Variants in KCNB2 observed in about 807,000 individuals in gnomAD.
KCNB2 encodes potassium voltage-gated channel subfamily B member 2.
KCNB2 carries 15 observed loss-of-function variants against 61.5 expected under a neutral mutation model. The ratio of observed to expected loss-of-function variants is 0.24; its 90% CI spans 0.16 to 0.38. The LOEUF (loss-of-function observed/expected upper bound fraction) is 0.38, where lower values mean the gene tolerates loss of function less well. Among genes scored for constraint, KCNB2 ranks in the 10% least tolerant of loss-of-function variants. The pLI is 1.00. For missense variants in KCNB2, 828 were observed against 1,125.2 expected (o/e 0.74, Z 3.78); for synonymous variants, 457 against 446.0 (o/e 1.02, Z -0.31).
intron 2 of KCNB2, among the ~76,000 whole-genome samples, chr8:72,812,267 CAA>C (rs764042462): frequency 1.5e-5 from 2 of 135,402 alleles, no homozygotes; most frequent in Admixed American, 7.4e-5. Context: ...GACTCTGTCT[CAA>C]AAAAAAAAAA....
intron 2 of KCNB2, among the ~76,000 whole-genome samples, chr8:72,587,338 A>G (rs79183977): frequency 0.016 from 2,462 of 152,168 alleles, 60 homozygotes; most frequent in African/African-American, 0.055. Context: ...CAGTGACAGC[A>G]TGGTAGGTTC....
rs551595243 is a variant in KCNB2 at position 72,703,411 on chromosome 8, A to G, written c.579+135098A>G. On this transcript the variant is annotated intron_variant, in intron 2 of 2. Coordinates refer to ENST00000523207, the MANE Select transcript of KCNB2 (RefSeq NM_004770.3). ...GGGCAGGGGAAGAAGTTGAACTTCA[A>G]CATCACTGCCACAACCTCCAGCTGG... Among the ~76,000 whole-genome samples, 5 of 152,308 alleles carry G rather than the reference A, an allele frequency of 3.3e-5. No individual in the cohort carries two copies. In the East Asian group the frequency reaches 9.6e-4, roughly 29 times the overall value.
At chr8:72,862,618 C>T (rs896754511) in intron 2 of KCNB2, among the ~76,000 whole-genome samples, 2 of 152,082 alleles carry the variant, frequency 1.3e-5, no homozygotes, top group African/African-American at 4.8e-5. Context: ...CAGGAGTTTC[C>T]AGTTTCCTCA....
intron 2 of KCNB2, among the ~76,000 whole-genome samples, chr8:72,749,852 T>A (rs986970824): frequency 4.8e-5 from 7 of 147,132 alleles, no homozygotes; most frequent in African/African-American, 1.7e-4. Flanking sequence ...GTATATATTA[T>A]ATATATTTTT....
chr8:72,547,063 TG>T (rs1297440815), intron 1 of KCNB2, among the ~76,000 whole-genome samples: 4 of 152,230 alleles, frequency 2.6e-5, no homozygotes, highest in Non-Finnish European at 5.9e-5. Context: ...TCCTTAAGAA[TG>T]ATGCTAAATT....
At chr8:72,600,216 G>A (rs967774387) in intron 2 of KCNB2, among the ~76,000 whole-genome samples, 5 of 152,070 alleles carry the variant, frequency 3.3e-5, no homozygotes, top group African/African-American at 9.7e-5. Flanking sequence ...ATGATAGACT[G>A]GATTAAGAAA....
intron 2 of KCNB2, among the ~76,000 whole-genome samples, chr8:72,915,985 T>A (rs903380927): frequency 1.3e-5 from 2 of 152,054 alleles, no homozygotes; most frequent in African/African-American, 4.8e-5. Context: ...AGCAACATCA[T>A]GAGTTTCCTT....
At chr8:72,753,440 A>G (rs1362213952) in intron 2 of KCNB2, among the ~76,000 whole-genome samples, 1 of 152,210 alleles carries the variant, frequency 6.6e-6, no homozygotes, top group African/African-American at 2.4e-5. Flanking sequence ...GCCTTGTTCA[A>G]GGAGCTTATA....
At chr8:72,643,648 A>G (rs1309522251) in intron 2 of KCNB2, among the ~76,000 whole-genome samples, 1 of 152,062 alleles carries the variant, frequency 6.6e-6, no homozygotes, top group Non-Finnish European at 1.5e-5. Flanking sequence ...ACTTTTTATC[A>G]TTGCTAGGTT....
At chr8:72,612,129 A>C (rs1241581797) in intron 2 of KCNB2, among the ~76,000 whole-genome samples, 1 of 152,210 alleles carries the variant, frequency 6.6e-6, no homozygotes, top group Non-Finnish European at 1.5e-5. Flanking sequence ...CTTGAAACTT[A>C]CCATCAATAA....
chr8:72,740,863 GA>G (rs1807945591), intron 2 of KCNB2, among the ~76,000 whole-genome samples: 1 of 152,120 alleles, frequency 6.6e-6, no homozygotes, highest in South Asian at 2.1e-4. Flanking sequence ...TGCAGCAAGA[GA>G]AAAATGAATT....
At chr8:72,727,398 C>T (rs1326250238) in intron 2 of KCNB2, among the ~76,000 whole-genome samples, 2 of 152,154 alleles carry the variant, frequency 1.3e-5, no homozygotes, top group Non-Finnish European at 1.5e-5. Flanking sequence ...TTTTGCTCCT[C>T]TTTTCTTTGT....
chr8:72,849,166 T>TGTTTGTTTTTGAGACGGAGTCTCGC (rs1810050136), intron 2 of KCNB2, among the ~76,000 whole-genome samples: 1 of 150,810 alleles, frequency 6.6e-6, no homozygotes, highest in African/African-American at 2.5e-5. Flanking sequence ...TTTTTTTATT[T>TGTTTGTTTTTGAGACGGAGTCTCGC]TACAATATCT....
At chr8:72,681,477 T>G (rs1806752748) in intron 2 of KCNB2, among the ~76,000 whole-genome samples, 1 of 152,160 alleles carries the variant, frequency 6.6e-6, no homozygotes, top group Non-Finnish European at 1.5e-5. Flanking sequence ...TGGAAGGTCT[T>G]CAGGGGCAAT....
chr8:72,547,137 G>C (rs1806271251), intron 1 of KCNB2, among the ~76,000 whole-genome samples: 1 of 152,184 alleles, frequency 6.6e-6, no homozygotes, highest in Non-Finnish European at 1.5e-5. Context: ...TTTGTTTACA[G>C]CATGGTTTAC....
intron 2 of KCNB2, among the ~76,000 whole-genome samples, chr8:72,898,227 G>C (rs929839101): frequency 6.6e-6 from 1 of 151,800 alleles, no homozygotes; most frequent in Admixed American, 6.6e-5. Flanking sequence ...CTGACCATAG[G>C]TGGGAATTGA....
At chr8:72,859,736 T>TTTTTGG (rs1810267452) in intron 2 of KCNB2, among the ~76,000 whole-genome samples, 1 of 121,744 alleles carries the variant, frequency 8.2e-6, no homozygotes, top group African/African-American at 2.9e-5. Context: ...TTTTTTTTTT[T>TTTTTGG]GAGATGGAGT....
chr8:72,746,476 A>G lies in KCNB2; in HGVS notation c.579+178163A>G, dbSNP rs929085174. Among the ~76,000 whole-genome samples the G allele has an allele frequency of 6.6e-5, 10 of 152,294 alleles. No homozygotes were observed. In the East Asian group the frequency reaches 7.7e-4, roughly 12 times the overall value. ...TCTACTAAAGAAAAGACACCAACAA[A>G]CAAAGAAATATAAAACAAACAAACA... On this transcript the variant is annotated intron_variant, in intron 2 of 2. Coordinates refer to ENST00000523207, the MANE Select transcript of KCNB2 (RefSeq NM_004770.3).
At chr8:72,610,088 A>G (rs1247178892) in intron 2 of KCNB2, among the ~76,000 whole-genome samples, 3 of 152,220 alleles carry the variant, frequency 2.0e-5, no homozygotes, top group Non-Finnish European at 4.4e-5. Flanking sequence ...TTCTGACCAC[A>G]GGGTTGGGAT....
Sources: allele counts gnomAD v4.1 joint callset (sites outside exome capture counted in the v4.1 genomes callset), GRCh38; gene constraint gnomAD v4.1.1; transcripts MANE v1.5; gene names NCBI Gene and HGNC (gene_info 2026-07-23, HGNC 2026-07-21).